PTGER3: variants seen among roughly 807,000 people sequenced by gnomAD.
The protein encoded by PTGER3 is prostaglandin E2 receptor EP3 subtype.
PTGER3 carries 22 observed loss-of-function variants against 34.7 expected under a neutral mutation model. That is an observed-to-expected ratio of 0.63 (90% CI 0.45 to 0.91). The LOEUF is 0.91. Ranked by LOEUF, PTGER3 falls within the 40% of genes least tolerant of loss-of-function variation. The pLI is 0.00. For missense variants in PTGER3, 468 were observed against 519.4 expected (o/e 0.90, Z 0.96); for synonymous variants, 241 against 230.1 (o/e 1.05, Z -0.43).
intron 2 of PTGER3, among the ~76,000 whole-genome samples, chr1:70,962,483 TA>T (rs1031806478): frequency 1.5e-4 from 22 of 147,678 alleles, no homozygotes; most frequent in East Asian, 4.0e-4. Flanking sequence ...GGGCAATCTA[TA>T]AAAAAAAAAG....
At chr1:70,878,754 T>A (rs142442294) in intron 4 of PTGER3, among the ~76,000 whole-genome samples, 14 of 152,316 alleles carry the variant, frequency 9.2e-5, no homozygotes, top group African/African-American at 2.6e-4. Context: ...AGCAGGTTGT[T>A]TAATTTCCAT....
chr1:70,860,623 T>C (rs938697431), intron 4 of PTGER3, among the ~76,000 whole-genome samples: 14 of 152,232 alleles, frequency 9.2e-5, no homozygotes, highest in African/African-American at 3.4e-4. Flanking sequence ...AATTTATCTC[T>C]TTTTTATATT....
chr1:70,934,720 T>C (rs1649040850), intron 4 of PTGER3, among the ~76,000 whole-genome samples: 1 of 152,184 alleles, frequency 6.6e-6, no homozygotes, highest in African/African-American at 2.4e-5. Flanking sequence ...AATGTGAAGA[T>C]ATAAGTGAGT....
At chr1:71,024,042 G>T (rs1467579015) in intron 1 of PTGER3, among the ~76,000 whole-genome samples, 2 of 149,556 alleles carry the variant, frequency 1.3e-5, no homozygotes, top group African/African-American at 5.1e-5. Context: ...TATACACATT[G>T]CCCTGAGTAT....
chr1:70,863,691 G>A (rs948668131), intron 4 of PTGER3, among the ~76,000 whole-genome samples: 3 of 139,732 alleles, frequency 2.1e-5, no homozygotes, highest in Admixed American at 1.6e-4. Flanking sequence ...ATAGCAAATG[G>A]ATTTTTTTTT....
chr1:70,894,640 A>T (rs1478533600), intron 4 of PTGER3, among the ~76,000 whole-genome samples: 1 of 152,204 alleles, frequency 6.6e-6, no homozygotes, highest in Non-Finnish European at 1.5e-5. Flanking sequence ...TATGGATAAC[A>T]ATTCCTGTGG....
chr1:70,883,869 C>T (rs1033972361), intron 4 of PTGER3: 4 of 234,772 alleles, frequency 1.7e-5, no homozygotes, highest in Non-Finnish European at 3.4e-5. Flanking sequence ...TCAAGACCAG[C>T]CTGGCAAACA....
intron 4 of PTGER3, chr1:70,862,453 G>A (rs1645948264): frequency 4.5e-5 from 50 of 1,113,096 alleles, no homozygotes; most frequent in South Asian, 3.8e-4. Context: ...CTTTCACACT[G>A]TTGAAGTGAA....
At chr1:70,989,036 C>T (rs1655189077) in intron 2 of PTGER3, among the ~76,000 whole-genome samples, 1 of 152,032 alleles carries the variant, frequency 6.6e-6, no homozygotes, top group Admixed American at 6.6e-5. Flanking sequence ...TGTAATTCCC[C>T]CCCCAAAACT....
chr1:70,924,880 C>T (rs949859426), intron 4 of PTGER3, among the ~76,000 whole-genome samples: 1 of 152,106 alleles, frequency 6.6e-6, no homozygotes, highest in African/African-American at 2.4e-5. Flanking sequence ...GGTCTGAATC[C>T]TGTCCTCTTT....
At chr1:70,906,370 T>G (rs1402487719) in intron 4 of PTGER3, among the ~76,000 whole-genome samples, 2 of 152,206 alleles carry the variant, frequency 1.3e-5, no homozygotes, top group East Asian at 1.9e-4. Flanking sequence ...TAGTATCACC[T>G]GGGGAACTTG....
intron 1 of PTGER3, among the ~76,000 whole-genome samples, chr1:71,027,209 G>A (rs10889904): frequency 2.2e-5 from 3 of 137,786 alleles, no homozygotes; most frequent in South Asian, 2.3e-4. Flanking sequence ...TGTCACCGAG[G>A]CTGGAGTGCA....
intron 4 of PTGER3, among the ~76,000 whole-genome samples, chr1:70,913,544 C>A (rs1383382437): frequency 6.6e-6 from 1 of 151,878 alleles, no homozygotes; most frequent in Admixed American, 6.6e-5. Context: ...AAGGAGACAG[C>A]TTTGCCTCAT....
chr1:70,991,980 T>C (rs1655524274), intron 2 of PTGER3, among the ~76,000 whole-genome samples: 1 of 152,180 alleles, frequency 6.6e-6, no homozygotes, highest in African/African-American at 2.4e-5. Flanking sequence ...CTATATTTAA[T>C]TGGTTATACT....
chr1:71,041,535 C>T (rs1557770743), intron 1 of PTGER3, among the ~76,000 whole-genome samples: 1 of 152,064 alleles, frequency 6.6e-6, no homozygotes, highest in East Asian at 1.9e-4. Context: ...ACTTAGGGGA[C>T]AAGATATAAG....
rs1460287641 is a variant in PTGER3 at position 71,047,013 on chromosome 1, C to G, written c.565G>C (p.Ala189Pro). Residue 189 changes from alanine to proline, a missense_variant, in exon 1 of 4, where the codon GCC becomes CCC. Ala to Pro is a conservative substitution (Grantham distance 27). Coordinates refer to ENST00000306666, the MANE Select transcript of PTGER3 (RefSeq NM_198719.2). Reference protein sequence around the residue: ...LGVWLAVLAFALLPVLGVGQY... With the variant: ...LGVWLAVLAFPLLPVLGVGQY... ...CCCACGCCCAGCACCGGCAGCAGGG[C>G]GAAGGCGAGCACGGCCAGCCACACG... 6.2e-7 allele frequency: 1 copy of G among 1,610,888 alleles called. No individual in the cohort carries two copies. Among genetic ancestry groups the G allele is most frequent in the Non-Finnish European group, 8.5e-7 (1 of 1,178,982 alleles).
rs34115027 is a variant in PTGER3 at position 70,895,237 on chromosome 1, G to A, written c.*24-42378C>T. Among the ~76,000 whole-genome samples the A allele has an allele frequency of 0.013, 2,012 of 152,256 alleles. 87 individuals carry two copies. The East Asian group carries it at 0.17, about 13-fold the overall frequency. On this transcript the variant is annotated intron_variant, in intron 4 of 4. Transcript: ENST00000370931. ...TATTTTCTCAAAATATTTGACAAGTGATAGTCCACACTCTTTGTGTATCAG... is the reference window on the plus strand; with the variant it reads ...TATTTTCTCAAAATATTTGACAAGTAATAGTCCACACTCTTTGTGTATCAG...
chr1:70,971,700 T>G lies in PTGER3; in HGVS notation c.*30A>C. 6.4e-7 allele frequency: 1 copy of G among 1,556,712 alleles called. No homozygotes were observed. On this transcript the variant is annotated 3_prime_UTR_variant, in exon 4 of 4. Coordinates refer to ENST00000306666, the MANE Select transcript of PTGER3 (RefSeq NM_198719.2). Reference sequence around the variant, plus strand: ...TATGCAAATTCAGGGAAGCAGGAATTGCAATAAAATGTCCAACTCCGTTCT... The same window carrying G: ...TATGCAAATTCAGGGAAGCAGGAATGGCAATAAAATGTCCAACTCCGTTCT...
rs766027408 is a variant in PTGER3, at chr1:71,046,673, C to T, written c.897+8G>A. 4 of 1,536,976 alleles carry T rather than the reference C, an allele frequency of 2.6e-6. No homozygotes were observed. In the Admixed American group the frequency reaches 6.0e-5, roughly 23 times the overall value. ...ATCCTGACTTCCCCCAACCCTGGAA[C>T]TACCTACCAGGAGCGGAGACCAGCA... On this transcript the variant is annotated splice_region_variant and intron_variant, in intron 1 of 3. Transcript: ENST00000306666.
Sources: allele counts gnomAD v4.1 joint callset (sites outside exome capture counted in the v4.1 genomes callset), GRCh38; gene constraint gnomAD v4.1.1; transcripts MANE v1.5; gene names NCBI Gene and HGNC (gene_info 2026-07-23, HGNC 2026-07-21).